The following CEP70 variants were observed in gnomAD, a reference collection of about 807,000 sequenced individuals.
CEP70 encodes centrosomal protein of 70 kDa.
CEP70 carries 70 observed loss-of-function variants against 90.9 expected under a neutral mutation model. The ratio of observed to expected loss-of-function variants is 0.77; its 90% CI spans 0.64 to 0.94. The LOEUF (loss-of-function observed/expected upper bound fraction) is 0.94, where lower values mean the gene tolerates loss of function less well. Among genes scored for constraint, CEP70 ranks in the 40% least tolerant of loss-of-function variants. The pLI is 0.00. For missense variants in CEP70, 648 were observed against 669.0 expected (o/e 0.97, Z 0.35); for synonymous variants, 220 against 228.3 (o/e 0.96, Z 0.33).
intron 2 of CEP70, among the ~76,000 whole-genome samples, chr3:138,591,563 C>G (rs1006673712): frequency 6.6e-6 from 1 of 152,018 alleles, no homozygotes; most frequent in African/African-American, 2.4e-5. Context: ...ACTCAGCTCA[C>G]GAGTTAAAGA....
intron 3 of CEP70, among the ~76,000 whole-genome samples, chr3:138,571,919 C>T (rs901814646): frequency 6.6e-6 from 1 of 152,156 alleles, no homozygotes; most frequent in Admixed American, 6.5e-5. Context: ...GCTGGGACTA[C>T]AGGCGCCCGC....
chr3:138,498,989 T>C (rs1359059329), intron 16 of CEP70, among the ~76,000 whole-genome samples: 1 of 150,260 alleles, frequency 6.7e-6, no homozygotes, highest in Non-Finnish European at 1.5e-5. Context: ...GAGGTTGCAG[T>C]GAGCTGAGAC....
intron 2 of CEP70, among the ~76,000 whole-genome samples, chr3:138,580,219 G>C (rs957618634): frequency 3.9e-5 from 6 of 152,086 alleles, no homozygotes; most frequent in Non-Finnish European, 7.4e-5. Flanking sequence ...GGTTTCCAAG[G>C]ATTCTGATTC....
intron 2 of CEP70, among the ~76,000 whole-genome samples, chr3:138,591,492 A>G (rs1243971899): frequency 6.6e-6 from 1 of 152,144 alleles, no homozygotes; most frequent in Non-Finnish European, 1.5e-5. Context: ...CAGCCAGGAG[A>G]GTACAGTACT....
intron 2 of CEP70, among the ~76,000 whole-genome samples, chr3:138,580,726 A>T (rs1408184178): frequency 6.6e-6 from 1 of 152,218 alleles, no homozygotes; most frequent in Non-Finnish European, 1.5e-5. Flanking sequence ...CCTTTCAGAT[A>T]GAATTCAAAA....
At chr3:138,535,496 T>A (rs1307241749) in intron 7 of CEP70, among the ~76,000 whole-genome samples, 1 of 152,224 alleles carries the variant, frequency 6.6e-6, no homozygotes, top group Non-Finnish European at 1.5e-5. Flanking sequence ...GCTTTCCTCA[T>A]CTGTGTGTGC....
intron 2 of CEP70, among the ~76,000 whole-genome samples, chr3:138,575,807 A>G (rs1019741501): frequency 6.6e-6 from 1 of 152,226 alleles, no homozygotes; most frequent in East Asian, 1.9e-4. Context: ...CAACATTCTT[A>G]AAGAAAAGAA....
intron 11 of CEP70, among the ~76,000 whole-genome samples, chr3:138,510,856 CTTTT>C (rs869032871): frequency 2.8e-5 from 3 of 107,026 alleles, no homozygotes; most frequent in Non-Finnish European, 3.9e-5. Context: ...CTTTTTCCAT[CTTTT>C]TTTTTTTTTT....
chr3:138,564,197 C>A (rs2040615224), intron 6 of CEP70, among the ~76,000 whole-genome samples: 1 of 152,128 alleles, frequency 6.6e-6, no homozygotes, highest in African/African-American at 2.4e-5. Context: ...GAAATTGAGG[C>A]AGTAATTAAT....
intron 17 of CEP70, chr3:138,495,967 G>C (rs1453453742): frequency 2.0e-6 from 2 of 985,156 alleles, no homozygotes; most frequent in Non-Finnish European, 2.4e-6. Flanking sequence ...AACCAATCCA[G>C]GCTCTTTTTT....
At chr3:138,519,377 T>G (rs916884014) in intron 11 of CEP70, among the ~76,000 whole-genome samples, 1 of 152,030 alleles carries the variant, frequency 6.6e-6, no homozygotes, top group African/African-American at 2.4e-5. Flanking sequence ...AGACACATAA[T>G]TGTCAGATTC....
chr3:138,504,739 T>G (rs1200644758), intron 13 of CEP70, among the ~76,000 whole-genome samples: 1 of 152,172 alleles, frequency 6.6e-6, no homozygotes, highest in Non-Finnish European at 1.5e-5. Context: ...TAAAATGTGG[T>G]CTTCCATGAA....
intron 6 of CEP70, among the ~76,000 whole-genome samples, chr3:138,563,118 A>G (rs2108067213): frequency 6.6e-6 from 1 of 152,288 alleles, no homozygotes; most frequent in African/African-American, 2.4e-5. Flanking sequence ...GCATTGCATA[A>G]TGGTAAAGGG....
At chr3:138,573,521 A>C (rs1236006823) in intron 2 of CEP70, among the ~76,000 whole-genome samples, 3 of 152,236 alleles carry the variant, frequency 2.0e-5, no homozygotes, top group Non-Finnish European at 4.4e-5. Context: ...AGGCAAAAGT[A>C]ATATATTTTC....
chr3:138,509,943 C>A (rs902474209), intron 11 of CEP70, among the ~76,000 whole-genome samples: 1 of 152,038 alleles, frequency 6.6e-6, no homozygotes, highest in African/African-American at 2.4e-5. Context: ...CAAGAGTAGT[C>A]ATGTTAGCAA....
At chr3:138,543,322 C>T (rs1280843857) in intron 6 of CEP70, among the ~76,000 whole-genome samples, 1 of 152,240 alleles carries the variant, frequency 6.6e-6, no homozygotes, top group African/African-American at 2.4e-5. Context: ...CATCCAAAGT[C>T]TTGGGGGAAC....
chr3:138,580,342 A>C (rs2041788347), intron 2 of CEP70, among the ~76,000 whole-genome samples: 1 of 152,174 alleles, frequency 6.6e-6, no homozygotes, highest in South Asian at 2.1e-4. Context: ...TTTGTTTCAG[A>C]GAAAGCAAGG....
rs1259599587 is a variant in CEP70, at chr3:138,529,122, C to T, written c.869+77G>A. 12 of 820,786 alleles carry T rather than the reference C, an allele frequency of 1.5e-5. No homozygotes were observed. In the East Asian group the frequency reaches 2.8e-4, roughly 19 times the overall value. 50.8% of individuals were successfully genotyped at this position (820,786 alleles called of 1,614,324 possible). ...TCAAGGCTGCGGTGAGACGTGATCA[C>T]ACCACTGCACTTGGCCTGAGTGACA... On this transcript the variant is annotated intron_variant, in intron 10 of 17. Transcript: ENST00000264982.
At chr3:138,515,133 G>C (rs1287231946) in intron 11 of CEP70, among the ~76,000 whole-genome samples, 2 of 152,070 alleles carry the variant, frequency 1.3e-5, no homozygotes, top group Admixed American at 1.3e-4. Context: ...TATGAATGCT[G>C]AATTAGCAAA....
Sources: gnomAD v4.1 joint callset for allele counts (sites outside exome capture counted in the v4.1 genomes callset) on GRCh38, gnomAD v4.1.1 for gene constraint, MANE v1.5 for transcripts, NCBI Gene and HGNC (gene_info 2026-07-23, HGNC 2026-07-21) for gene names.